The following SYT14 variants were observed in gnomAD, a reference collection of about 807,000 sequenced individuals.
SYT14 encodes the protein synaptotagmin 14, also known as synaptotagmin-14.
Under a neutral mutation model 74.2 loss-of-function variants are expected in SYT14, and 32 were observed. The ratio of observed to expected loss-of-function variants is 0.43; its 90% CI spans 0.33 to 0.58. The LOEUF (loss-of-function observed/expected upper bound fraction) is 0.58, where lower values mean the gene tolerates loss of function less well. SYT14 is among the 20% of genes least tolerant of loss of function. SYT14 has a pLI of 0.05. For synonymous variants in SYT14, 298 were observed against 337.7 expected, an observed-to-expected ratio of 0.88 and a Z score of 1.29; for missense variants, 791 against 981.8, an observed-to-expected ratio of 0.81 and a Z score of 2.60.
intron 7 of SYT14, among the ~76,000 whole-genome samples, chr1:210,128,876 G>T (rs890492515): frequency 8.5e-5 from 13 of 152,192 alleles, no homozygotes; most frequent in African/African-American, 3.1e-4. Context: ...GGATATGAGT[G>T]AGTTGAAGTA....
At chr1:210,124,973 C>T (rs1055636298) in intron 7 of SYT14, among the ~76,000 whole-genome samples, 3 of 151,730 alleles carry the variant, frequency 2.0e-5, no homozygotes, top group African/African-American at 4.8e-5. Flanking sequence ...GCATGATTTG[C>T]GAAGTTAAAG....
chr1:209,980,449 T>G (rs763943958), intron 2 of SYT14, among the ~76,000 whole-genome samples: 10 of 152,238 alleles, frequency 6.6e-5, no homozygotes, highest in Non-Finnish European at 1.2e-4. Context: ...CTCTTTAGTT[T>G]AATTAGATCC....
intron 2 of SYT14, among the ~76,000 whole-genome samples, chr1:209,965,484 T>C (rs1022032741): frequency 6.6e-6 from 1 of 152,214 alleles, no homozygotes; most frequent in Non-Finnish European, 1.5e-5. Context: ...GTTGATGCCA[T>C]GTCTTTGCTA....
intron 4 of SYT14, chr1:210,017,246 A>G: frequency 1.9e-6 from 1 of 530,310 alleles, no homozygotes; most frequent in Non-Finnish European, 2.9e-6. Flanking sequence ...AAACATTTTT[A>G]AAGCCATTCA....
chr1:210,109,772 A>G (rs1029334186), intron 7 of SYT14, among the ~76,000 whole-genome samples: 2 of 152,188 alleles, frequency 1.3e-5, no homozygotes, highest in Non-Finnish European at 2.9e-5. Flanking sequence ...TGCTGAGTAT[A>G]TACCCAAAGG....
intron 5 of SYT14, among the ~76,000 whole-genome samples, chr1:210,042,698 G>T (rs1175425327): frequency 1.3e-5 from 2 of 152,146 alleles, no homozygotes; most frequent in Non-Finnish European, 2.9e-5. Context: ...CCTCTGTTCT[G>T]TTCCATTGGT....
intron 5 of SYT14, among the ~76,000 whole-genome samples, chr1:210,058,010 A>G (rs958763935): frequency 6.6e-6 from 1 of 152,232 alleles, no homozygotes; most frequent in African/African-American, 2.4e-5. Context: ...ATAGTGATGT[A>G]TAAGAAAGAT....
chr1:210,159,515 C>T, intron 9 of SYT14, 38 bp downstream of exon 8: 1 of 1,538,054 alleles, frequency 6.5e-7, no homozygotes, highest in Non-Finnish European at 8.8e-7. Context: ...GTTGTCTTTT[C>T]ATGCAAAACC....
intron 2 of SYT14, among the ~76,000 whole-genome samples, chr1:209,962,616 A>G (rs954334988): frequency 2.0e-5 from 3 of 152,024 alleles, no homozygotes; most frequent in Non-Finnish European, 4.4e-5. Context: ...TACCGCATTG[A>G]CTCATGCTTG....
At chr1:210,038,439 A>T (rs1396784347) in intron 5 of SYT14, among the ~76,000 whole-genome samples, 2 of 152,036 alleles carry the variant, frequency 1.3e-5, no homozygotes, top group Non-Finnish European at 2.9e-5. Context: ...ATTGATATGT[A>T]GGGTTTCTTC....
At position 210,114,693 on chromosome 1, in the gene SYT14, A is replaced by G. The variant is rs960050581; in HGVS notation, c.2034+14232A>G. Among the ~76,000 whole-genome samples the G allele has an allele frequency of 2.0e-5, 3 of 151,264 alleles. 1 individual carries two copies. Among genetic ancestry groups the G allele is most frequent in the African/African-American group, 7.4e-5 (3 of 40,582 alleles). The stretch of plus-strand genomic sequence containing the variant: ...TAAAGAAAAAGGAGCATTAACCTTG[A>G]CTGTGCCTTTAGCTCCAGCCACCTC... On this transcript the variant is annotated intron_variant, in intron 7 of 9. Coordinates refer to ENST00000637265, the Ensembl canonical transcript of SYT14.
intron 2 of SYT14, among the ~76,000 whole-genome samples, chr1:209,957,730 A>G (rs1364181649): frequency 6.6e-6 from 1 of 152,018 alleles, no homozygotes; most frequent in African/African-American, 2.4e-5. Context: ...CCCAGCCTGT[A>G]GATTTTTTCC....
intron 2 of SYT14, among the ~76,000 whole-genome samples, chr1:209,981,665 A>G (rs2079490248): frequency 6.6e-6 from 1 of 151,496 alleles, no homozygotes; most frequent in South Asian, 2.1e-4. Context: ...TATGTTTTTC[A>G]TGCTGGTCTC....
At position 210,169,965 on chromosome 1, in the gene SYT14, CTCCT is replaced by C. The variant is rs1572408181; in HGVS notation, c.*8932_*8935del. The C allele has an allele frequency of 2.0e-5, 3 of 149,500 alleles. No individual in the cohort carries two copies. The South Asian group carries it at 6.3e-4, about 32-fold the overall frequency. 9.3% of individuals were successfully genotyped at this position (149,500 alleles called of 1,614,324 possible). On this transcript the variant is annotated 3_prime_UTR_variant, in exon 10 of 10. Coordinates refer to ENST00000637265, the Ensembl canonical transcript of SYT14. ...TTTCTTTCCTTTCTTCCTTCCCTCC[CTCCT>C]TCCTTCCTAGTTCTTTCATTTTTTC...
chr1:210,162,264 C>T, exon 10 of SYT14: 1 of 434,042 alleles, frequency 2.3e-6, no homozygotes, highest in Non-Finnish European at 4.6e-6. Context: ...TTTGCTCATA[C>T]AGCTTGAACG....
chr1:210,165,417 A>G (rs2102739842), exon 10 of SYT14: 1 of 152,288 alleles, frequency 6.6e-6, no homozygotes, highest in Admixed American at 6.5e-5. Flanking sequence ...TTGATTTGCA[A>G]AGATTTGGAA....
chr1:209,992,741 T>C (rs2079716245), intron 2 of SYT14, among the ~76,000 whole-genome samples: 1 of 152,148 alleles, frequency 6.6e-6, no homozygotes, highest in Admixed American at 6.5e-5. Context: ...GGGGACAAGA[T>C]GGCCTACTAG....
At position 209,993,966 on chromosome 1, in the gene SYT14, C is replaced by T. The variant is rs116736911; in HGVS notation, c.-485-19667C>T. Among the ~76,000 whole-genome samples, 828 of 152,252 alleles carry T rather than the reference C, an allele frequency of 5.4e-3. 4 individuals carry two copies. Among genetic ancestry groups the T allele is most frequent in the African/African-American group, 0.018 (757 of 41,550 alleles). On this transcript the variant is annotated intron_variant, in intron 2 of 9. Transcript: ENST00000637265. ...CAAGTGTTTACCTAAAGATGTTGTA[C>T]GGAGCCCTAGTCCTCTGAAAGCACC... is the stretch of plus-strand genomic sequence containing the variant.
intron 5 of SYT14, among the ~76,000 whole-genome samples, chr1:210,056,657 T>TAAAAA (rs1319086944): frequency 4.0e-5 from 1 of 25,030 alleles, no homozygotes; most frequent in African/African-American, 4.1e-4. Flanking sequence ...CTACTAAAAA[T>TAAAAA]ACAAAAAAAA....
Sources: allele counts gnomAD v4.1 joint callset (sites outside exome capture counted in the v4.1 genomes callset), GRCh38; gene constraint gnomAD v4.1.1; transcripts MANE v1.5; gene names NCBI Gene and HGNC (gene_info 2026-07-23, HGNC 2026-07-21).